BBS4: variants seen among roughly 807,000 people sequenced by gnomAD.
BBS4 encodes the protein BBSome complex member BBS4.
BBS4 carries 58 observed loss-of-function variants against 71.4 expected under a neutral mutation model. That is an observed-to-expected ratio of 0.81 (90% CI 0.66 to 1.01). BBS4 has a LOEUF of 1.01. Among genes scored for constraint, BBS4 ranks in the 50% least tolerant of loss-of-function variants. The probability of loss-of-function intolerance (pLI) is 0.00; values close to 1 mark genes in which losing one functional copy is unlikely to be tolerated. For synonymous variants in BBS4, 228 were observed against 216.8 expected (o/e 1.05, Z -0.46); for missense variants, 660 against 607.9 (o/e 1.09, Z -0.90).
intron 6 of BBS4, among the ~76,000 whole-genome samples, chr15:72,720,921 A>C (rs150828984): frequency 5.3e-5 from 8 of 152,204 alleles, no homozygotes; most frequent in Non-Finnish European, 1.0e-4. Context: ...CTTCTCAACT[A>C]TCTATGTCAA....
chr15:72,695,207 C>G lies in BBS4; in HGVS notation c.55C>G (p.Gln19Glu). 2 of 1,606,084 alleles carry G rather than the reference C, an allele frequency of 1.2e-6. No homozygotes were observed. Among genetic ancestry groups the G allele is most frequent in the Non-Finnish European group, 1.7e-6 (2 of 1,173,054 alleles). The change falls in exon 2 of 16, where the codon CAA becomes GAA. Residue 19 changes from glutamine (Q) to glutamate (E), a missense_variant. Gln to Glu is a conservative substitution (Grantham distance 29). Coordinates refer to ENST00000268057, the MANE Select transcript of BBS4 (RefSeq NM_033028.5). ...TCAATTTCCTGTATCTACTGAGTCTCAAAAACCCCGGCAGAAAAAAGGTCT... is the reference window on the plus strand; with the variant it reads ...TCAATTTCCTGTATCTACTGAGTCTGAAAAACCCCGGCAGAAAAAAGGTCT... ...RTQFPVSTES[Q>E]KPRQKKAPEF... is the part of the protein sequence containing the mutation.
intron 10 of BBS4, among the ~76,000 whole-genome samples, chr15:72,730,840 A>C (rs2065802242): frequency 6.6e-6 from 1 of 152,166 alleles, no homozygotes; most frequent in Non-Finnish European, 1.5e-5. Flanking sequence ...GGGCTGATGA[A>C]GCCTAAAGCT....
chr15:72,717,968 C>A (rs548106456), intron 6 of BBS4, among the ~76,000 whole-genome samples: 1 of 152,154 alleles, frequency 6.6e-6, no homozygotes, highest in Non-Finnish European at 1.5e-5. Flanking sequence ...CCTGTCTCAG[C>A]CTCCTGAGTA....
At chr15:72,700,373 T>A (rs1296457280) in intron 2 of BBS4, among the ~76,000 whole-genome samples, 1 of 152,214 alleles carries the variant, frequency 6.6e-6, no homozygotes, top group East Asian at 1.9e-4. Context: ...GCCGAAGTAT[T>A]TTCCAAAGTG....
At chr15:72,734,351 A>T (rs1371348628) in intron 12 of BBS4, among the ~76,000 whole-genome samples, 1 of 152,246 alleles carries the variant, frequency 6.6e-6, no homozygotes, top group Non-Finnish European at 1.5e-5. Flanking sequence ...GCTAAAATGG[A>T]ATAGCACAGA....
At chr15:72,705,379 C>G (rs1298256159) in intron 2 of BBS4, among the ~76,000 whole-genome samples, 3 of 152,144 alleles carry the variant, frequency 2.0e-5, no homozygotes, top group African/African-American at 7.2e-5. Flanking sequence ...CTGAAATGTT[C>G]TCTAAAATAT....
At chr15:72,704,923 A>G (rs546265361) in intron 2 of BBS4, among the ~76,000 whole-genome samples, 1 of 152,170 alleles carries the variant, frequency 6.6e-6, no homozygotes, top group East Asian at 1.9e-4. Context: ...CAAAATGCAA[A>G]AAAACAGCAA....
intron 1 of BBS4, 112 bp from the exon 2 acceptor site, chr15:72,695,065 G>T: frequency 2.7e-6 from 2 of 740,554 alleles, no homozygotes; most frequent in East Asian, 2.6e-5. Context: ...TGGATTTAAT[G>T]GATTAATTGC....
In BBS4 at chr15:72,738,323, T is replaced by C. The variant is rs34391595; in HGVS notation, c.*736T>C. On this transcript the variant is annotated 3_prime_UTR_variant, in exon 16 of 16. Coordinates refer to ENST00000268057, the MANE Select transcript of BBS4 (RefSeq NM_033028.5). Reference sequence around the variant, plus strand: ...GAGTTTCTTAGATGAGTAATTGTTATTGAAGATAGTCAGTGATAACCACTG... The same window carrying C: ...GAGTTTCTTAGATGAGTAATTGTTACTGAAGATAGTCAGTGATAACCACTG... The C allele has an allele frequency of 3.7e-5, 17 of 453,980 alleles. No individual in the cohort carries two copies. In the East Asian group the frequency reaches 4.2e-4, roughly 11 times the overall value. 28.1% of individuals were successfully genotyped at this position (453,980 alleles called of 1,614,324 possible). A position where few individuals can be genotyped will look rare whatever the true frequency, so the allele number is the denominator to read the frequency against.
At chr15:72,703,441 A>G (rs2065211668) in intron 2 of BBS4, among the ~76,000 whole-genome samples, 1 of 152,188 alleles carries the variant, frequency 6.6e-6, no homozygotes, top group Admixed American at 6.5e-5. Flanking sequence ...AATGTCTTAC[A>G]TTTATATTCT....
At chr15:72,733,354 C>T (rs1462774725) in intron 12 of BBS4, among the ~76,000 whole-genome samples, 2 of 151,598 alleles carry the variant, frequency 1.3e-5, no homozygotes, top group Non-Finnish European at 2.9e-5. Flanking sequence ...TACACAGGCA[C>T]GTGTGTCATG....
intron 6 of BBS4, among the ~76,000 whole-genome samples, 189 bp from the exon 7 acceptor site, chr15:72,722,602 ATTT>A (rs3056372): frequency 0.026 from 3,916 of 152,288 alleles, 56 homozygotes; most frequent in Non-Finnish European, 0.036. Flanking sequence ...TATAATCTGT[ATTT>A]TTTTATGTTG....
chr15:72,737,064 T>C lies in BBS4; in HGVS notation c.1450+101T>C, dbSNP rs1051475256. 3.6e-6 allele frequency: 5 copies of C among 1,389,606 alleles called. No individual in the cohort carries two copies. The African/African-American group carries it at 5.7e-5, about 16-fold the overall frequency. The allele number at this position is 1,389,606 out of a possible 1,614,324, so 86.1% of individuals were successfully genotyped here. On this transcript the variant is annotated intron_variant, in intron 15 of 15. Transcript: ENST00000268057. ...CAGTGAGGTTCTCTTCAGACTCATATGTCCAACGTAGTATTGGCCACAAGG... is the reference window on the plus strand; with the variant it reads ...CAGTGAGGTTCTCTTCAGACTCATACGTCCAACGTAGTATTGGCCACAAGG...
At position 72,731,472 on chromosome 15, in the gene BBS4, A is replaced by G; in HGVS notation, c.864+15A>G. The G allele has an allele frequency of 3.1e-6, 5 of 1,614,020 alleles. No individual in the cohort carries two copies. The highest frequency in any genetic ancestry group is 4.2e-6 in the Non-Finnish European group (5 of 1,180,016). The stretch of plus-strand genomic sequence containing the variant: ...AATATGTGGCGGTGAGTGTCCCCTC[A>G]TGTTCTTTGTTTGTATTTCTACATG... On this transcript the variant is annotated intron_variant, in intron 11 of 15. Coordinates refer to ENST00000268057, the MANE Select transcript of BBS4 (RefSeq NM_033028.5).
At chr15:72,714,884 T>A (rs2151022847) in intron 4 of BBS4, among the ~76,000 whole-genome samples, 1 of 152,308 alleles carries the variant, frequency 6.6e-6, no homozygotes, top group Admixed American at 6.5e-5. Flanking sequence ...GAATTTGAGG[T>A]ATTGATTCCA....
intron 6 of BBS4, among the ~76,000 whole-genome samples, chr15:72,722,408 C>T (rs1016388261): frequency 6.6e-5 from 10 of 152,126 alleles, no homozygotes; most frequent in African/African-American, 1.9e-4. Context: ...GCCTTAAGGG[C>T]GGAAATGTGT....
chr15:72,713,702 C>T lies in BBS4; in HGVS notation c.220+1395C>T, dbSNP rs111936649. Reference sequence around the variant, plus strand: ...TGGCAGCACAGTAGGTTTGTTTATACCAGCATCACTACAGATAGGTAAGTA... The same window carrying T: ...TGGCAGCACAGTAGGTTTGTTTATATCAGCATCACTACAGATAGGTAAGTA... On this transcript the variant is annotated intron_variant, in intron 4 of 15. Transcript: ENST00000268057. Among the ~76,000 whole-genome samples, 387 of 152,244 alleles carry T rather than the reference C, an allele frequency of 2.5e-3. 3 individuals are homozygous for T. Among genetic ancestry groups the T allele is most frequent in the African/African-American group, 8.8e-3 (366 of 41,534 alleles).
In BBS4 at chr15:72,731,341, G is replaced by C; in HGVS notation, c.748G>C (p.Gly250Arg). The change falls in exon 11 of 16, where the codon GGG (glycine) becomes CGG (arginine). Residue 250 changes from glycine to arginine, a missense_variant. Transcript: ENST00000268057. ...AGCAGGCAGCATGATGCAGACCCACGGGGACTTTGATGTTGCCCTCACCAA... is the reference window on the plus strand; with the variant it reads ...AGCAGGCAGCATGATGCAGACCCACCGGGACTTTGATGTTGCCCTCACCAA... ...LAAGSMMQTH[G>R]DFDVALTKYR... 6.2e-7 allele frequency: 1 copy of C among 1,613,980 alleles called. No homozygotes were observed. The highest frequency in any genetic ancestry group is 8.5e-7 in the Non-Finnish European group (1 of 1,180,014).
chr15:72,692,660 A>G (rs1305691827), intron 1 of BBS4, among the ~76,000 whole-genome samples: 4 of 147,818 alleles, frequency 2.7e-5, no homozygotes, highest in Non-Finnish European at 3.0e-5. Flanking sequence ...CAGTGGTCCA[A>G]TCATGGCTTG....
Sources: allele counts gnomAD v4.1 joint callset (sites outside exome capture counted in the v4.1 genomes callset), GRCh38; gene constraint gnomAD v4.1.1; transcripts MANE v1.5; gene names NCBI Gene and HGNC (gene_info 2026-07-23, HGNC 2026-07-21).